Variants in CHRM3 observed in about 807,000 individuals in gnomAD.
CHRM3 encodes the protein muscarinic acetylcholine receptor M3.
In CHRM3, 11 loss-of-function variants were observed where a neutral mutation model predicts 41.8. The ratio of observed to expected loss-of-function variants is 0.26; its 90% CI spans 0.17 to 0.44. CHRM3 has a LOEUF of 0.44. Ranked by LOEUF, CHRM3 falls within the 20% of genes least tolerant of loss-of-function variation. CHRM3 has a pLI of 1.00. For synonymous variants in CHRM3, 297 were observed against 301.4 expected (o/e 0.99, Z 0.15); for missense variants, 571 against 745.4 (o/e 0.77, Z 2.72).
chr1:239,585,991 T>G (rs1663357145), intron 3 of CHRM3, among the ~76,000 whole-genome samples: 1 of 152,186 alleles, frequency 6.6e-6, no homozygotes, highest in Non-Finnish European at 1.5e-5. Context: ...CTAGGAGAAC[T>G]CAACTAATAA....
intron 5 of CHRM3, among the ~76,000 whole-genome samples, chr1:239,822,835 C>A (rs1238030020): frequency 6.6e-6 from 1 of 152,098 alleles, no homozygotes; most frequent in African/African-American, 2.4e-5. Flanking sequence ...CAATTTGCAA[C>A]GTTTGCATCA....
chr1:239,812,943 C>T (rs926224411), intron 5 of CHRM3, among the ~76,000 whole-genome samples: 1 of 152,180 alleles, frequency 6.6e-6, no homozygotes. Flanking sequence ...ATTTCCTGAA[C>T]GGTCTCTTGC....
chr1:239,784,956 A>C (rs1008754639), intron 5 of CHRM3, among the ~76,000 whole-genome samples: 2 of 152,192 alleles, frequency 1.3e-5, no homozygotes, highest in African/African-American at 4.8e-5. Context: ...TTGCATACCA[A>C]ATTGTTAATT....
intron 5 of CHRM3, among the ~76,000 whole-genome samples, chr1:239,712,295 T>A (rs1460342301): frequency 6.6e-6 from 1 of 152,160 alleles, no homozygotes; most frequent in African/African-American, 2.4e-5. Flanking sequence ...AATGACTTCG[T>A]TGGTTTGTGA....
intron 1 of CHRM3, among the ~76,000 whole-genome samples, chr1:239,418,298 T>G (rs953964475): frequency 6.6e-6 from 1 of 152,174 alleles, no homozygotes; most frequent in African/African-American, 2.4e-5. Flanking sequence ...AGATCAAGTT[T>G]TTAACATAAC....
At chr1:239,462,842 C>T (rs904713824) in intron 1 of CHRM3, among the ~76,000 whole-genome samples, 1 of 152,172 alleles carries the variant, frequency 6.6e-6, no homozygotes, top group Non-Finnish European at 1.5e-5. Flanking sequence ...GTGGGAAGTA[C>T]ACTTACACTG....
chr1:239,562,704 A>G (rs555820364), intron 3 of CHRM3, among the ~76,000 whole-genome samples: 1 of 152,088 alleles, frequency 6.6e-6, no homozygotes, highest in Non-Finnish European at 1.5e-5. Context: ...CCTTGTCAAC[A>G]TAGTGAAACC....
intron 2 of CHRM3, among the ~76,000 whole-genome samples, chr1:239,540,992 G>A (rs1413810286): frequency 2.6e-5 from 4 of 152,072 alleles, no homozygotes; most frequent in Non-Finnish European, 4.4e-5. Context: ...ACGTGGAAAT[G>A]CATAGATTTA....
At chr1:239,810,217 A>T (rs1226716127) in intron 5 of CHRM3, among the ~76,000 whole-genome samples, 1 of 152,074 alleles carries the variant, frequency 6.6e-6, no homozygotes, top group Non-Finnish European at 1.5e-5. Context: ...GCCAGCTGTG[A>T]GGTAATCCTC....
chr1:239,773,611 CTTTCT>C (rs1667859195), intron 5 of CHRM3, among the ~76,000 whole-genome samples: 2 of 152,288 alleles, frequency 1.3e-5, no homozygotes, highest in South Asian at 4.1e-4. Context: ...GAGCAAAAGA[CTTTCT>C]TTTCTTTGTC....
At chr1:239,540,185 T>C (rs537139882) in intron 2 of CHRM3, among the ~76,000 whole-genome samples, 3 of 152,228 alleles carry the variant, frequency 2.0e-5, no homozygotes, top group Non-Finnish European at 4.4e-5. Context: ...GAGGCATAAC[T>C]GTATAAGAAA....
At chr1:239,564,428 G>A (rs540723821) in intron 3 of CHRM3, among the ~76,000 whole-genome samples, 39 of 152,184 alleles carry the variant, frequency 2.6e-4, no homozygotes, top group African/African-American at 9.4e-4. Flanking sequence ...ATATTTTAAT[G>A]GAGTTAATTA....
At chr1:239,389,154 T>A (rs970603184) in intron 1 of CHRM3, among the ~76,000 whole-genome samples, 2 of 152,224 alleles carry the variant, frequency 1.3e-5, no homozygotes, top group African/African-American at 4.8e-5. Flanking sequence ...GAAAAATCTT[T>A]ATAAATTTTC....
intron 1 of CHRM3, among the ~76,000 whole-genome samples, chr1:239,404,408 GAAAAAGAAAGAAAGAAAGAAAGAAAGAA>G (rs1660338933): frequency 1.1e-3 from 43 of 38,818 alleles, no homozygotes; most frequent in East Asian, 9.8e-3. Flanking sequence ...AAGAAAGAAA[GAAAAAGAAAGAAAGAAAGAAAGAAAGAA>G]AGAAAGAAAG....
chr1:239,485,815 A>G (rs537673747), intron 1 of CHRM3, among the ~76,000 whole-genome samples: 2 of 152,290 alleles, frequency 1.3e-5, no homozygotes, highest in African/African-American at 2.4e-5. Flanking sequence ...TGTCAACACT[A>G]GAAGATTGCT....
intron 5 of CHRM3, among the ~76,000 whole-genome samples, chr1:239,689,813 GGGTAC>G (rs1352003663): frequency 6.6e-6 from 1 of 152,174 alleles, no homozygotes; most frequent in East Asian, 1.9e-4. Context: ...TCCGTGTCCA[GGGTAC>G]GGATTTCAGT....
chr1:239,846,140 G>A (rs1222827341), intron 6 of CHRM3, among the ~76,000 whole-genome samples: 5 of 151,930 alleles, frequency 3.3e-5, no homozygotes, highest in Non-Finnish European at 7.4e-5. Flanking sequence ...TCTGGGCCAG[G>A]GCTTTTGTGG....
At chr1:239,796,568 T>G (rs1295146319) in intron 5 of CHRM3, among the ~76,000 whole-genome samples, 1 of 151,990 alleles carries the variant, frequency 6.6e-6, no homozygotes, top group Non-Finnish European at 1.5e-5. Flanking sequence ...CTCTCGTGGG[T>G]GTATACTTAA....
At chr1:239,816,203 G>A (rs948710770) in intron 5 of CHRM3, among the ~76,000 whole-genome samples, 3 of 152,166 alleles carry the variant, frequency 2.0e-5, no homozygotes, top group African/African-American at 4.8e-5. Flanking sequence ...ATGCAGAGAA[G>A]GCGGTGCTTT....
Sources: allele counts gnomAD v4.1 joint callset (sites outside exome capture counted in the v4.1 genomes callset), GRCh38; gene constraint gnomAD v4.1.1; transcripts MANE v1.5; gene names NCBI Gene and HGNC (gene_info 2026-07-23, HGNC 2026-07-21).